CDH9: variants seen among roughly 807,000 people sequenced by gnomAD.
CDH9 encodes cadherin 9.
A neutral mutation model predicts 70.9 loss-of-function variants in CDH9; 28 were observed. The ratio of observed to expected loss-of-function variants is 0.40; its 90% CI spans 0.29 to 0.54. The LOEUF (loss-of-function observed/expected upper bound fraction) is 0.54. CDH9 is among the 20% of genes least tolerant of loss of function. The probability of loss-of-function intolerance (pLI) is 0.59; values close to 1 mark genes in which losing one functional copy is unlikely to be tolerated. For missense variants in CDH9, 874 were observed against 984.4 expected (o/e 0.89, Z 1.50); for synonymous variants, 409 against 343.1 (o/e 1.19, Z -2.12).
chr5:27,007,866 T>C (rs540730726), intron 1 of CDH9, among the ~76,000 whole-genome samples: 2 of 152,234 alleles, frequency 1.3e-5, no homozygotes, highest in African/African-American at 4.8e-5. Context: ...ATAGTCATAA[T>C]TGAGGAGGAC....
At chr5:26,885,498 A>G (rs1172473739) in intron 11 of CDH9, 116 bp downstream of exon 11, 17 of 900,630 alleles carry the variant, frequency 1.9e-5, no homozygotes. Context: ...TTTTAATAAA[A>G]AGTGAAAATG....
intron 7 of CDH9, among the ~76,000 whole-genome samples, chr5:26,900,174 T>A (rs1351947436): frequency 6.6e-6 from 1 of 152,044 alleles, no homozygotes; most frequent in Non-Finnish European, 1.5e-5. Context: ...ATTCTGTAAC[T>A]ACTAGAGAAA....
At chr5:26,914,713 A>G (rs1017682345) in intron 3 of CDH9, among the ~76,000 whole-genome samples, 2 of 152,050 alleles carry the variant, frequency 1.3e-5, no homozygotes, top group African/African-American at 4.8e-5. Context: ...TTCTCCTTCT[A>G]TAGAAATTAT....
At chr5:26,978,424 T>A (rs1742340714) in intron 2 of CDH9, among the ~76,000 whole-genome samples, 1 of 151,580 alleles carries the variant, frequency 6.6e-6, no homozygotes, top group African/African-American at 2.4e-5. Context: ...CACAGAAACA[T>A]AAGAAACAAT....
intron 9 of CDH9, among the ~76,000 whole-genome samples, chr5:26,889,459 C>A (rs949807009): frequency 3.9e-5 from 6 of 151,920 alleles, no homozygotes; most frequent in African/African-American, 1.4e-4. Context: ...TTTATAATAA[C>A]ATGAAACAAT....
At chr5:26,981,833 C>T (rs1054637093) in intron 2 of CDH9, among the ~76,000 whole-genome samples, 1 of 151,970 alleles carries the variant, frequency 6.6e-6, no homozygotes, top group Non-Finnish European at 1.5e-5. Context: ...ATTTAGACAA[C>T]TTACCCTTGT....
intron 1 of CDH9, among the ~76,000 whole-genome samples, chr5:26,988,846 A>G (rs1742533824): frequency 6.6e-6 from 1 of 151,728 alleles, no homozygotes; most frequent in African/African-American, 2.4e-5. Flanking sequence ...TCTGCCCCCT[A>G]TCTTCCTCTT....
In CDH9 at chr5:26,902,563, A is replaced by C. The variant is rs774573447; in HGVS notation, c.1166T>G (p.Leu389Trp). ...EPPVFTKVSYLIEVDEDVKEG... is the reference protein window; with the variant it reads ...EPPVFTKVSYWIEVDEDVKEG... ...CTTTACATCTTCATCTACTTCTATCAAGTAAGAGACTTTAGTGAACACAGG... is the reference window on the plus strand; with the variant it reads ...CTTTACATCTTCATCTACTTCTATCCAGTAAGAGACTTTAGTGAACACAGG... The change falls in exon 7 of 12, where the codon TTG becomes TGG. Residue 389 changes from leucine to tryptophan, a missense_variant. By Grantham distance (61) the Leu-to-Trp change is moderately conservative (BLOSUM62 -2). Coordinates refer to ENST00000231021, the MANE Select transcript of CDH9 (RefSeq NM_016279.4). 1.6e-5 allele frequency: 26 copies of C among 1,592,694 alleles called. No individual in the cohort carries two copies. The highest frequency in any genetic ancestry group is 2.2e-5 in the Non-Finnish European group (26 of 1,161,008).
chr5:27,002,237 G>C (rs1271432321), intron 1 of CDH9, among the ~76,000 whole-genome samples: 1 of 152,162 alleles, frequency 6.6e-6, no homozygotes, highest in African/African-American at 2.4e-5. Flanking sequence ...TCTCACACCA[G>C]TTAGAATGGC....
intron 2 of CDH9, among the ~76,000 whole-genome samples, chr5:26,984,744 T>C (rs1050913757): frequency 8.5e-5 from 13 of 152,114 alleles, no homozygotes; most frequent in African/African-American, 3.1e-4. Flanking sequence ...AGATGACAAT[T>C]ATTATGACTT....
intron 7 of CDH9, among the ~76,000 whole-genome samples, chr5:26,898,846 C>T (rs1740799810): frequency 1.3e-5 from 2 of 152,148 alleles, no homozygotes; most frequent in African/African-American, 4.8e-5. Context: ...TAAAGGGCTT[C>T]TGCACAGCAA....
At chr5:27,005,009 A>G (rs761472938) in intron 1 of CDH9, among the ~76,000 whole-genome samples, 1 of 152,154 alleles carries the variant, frequency 6.6e-6, no homozygotes, top group Non-Finnish European at 1.5e-5. Flanking sequence ...GTTTGAGCTT[A>G]TAAAATTTGA....
At chr5:26,935,597 A>G (rs1453986591) in intron 2 of CDH9, among the ~76,000 whole-genome samples, 1 of 152,166 alleles carries the variant, frequency 6.6e-6, no homozygotes. Flanking sequence ...TAAAAAGTCA[A>G]AAAAGAATAG....
chr5:26,892,959 T>A (rs898717659), intron 7 of CDH9, among the ~76,000 whole-genome samples: 2 of 152,024 alleles, frequency 1.3e-5, no homozygotes, highest in Admixed American at 1.3e-4. Flanking sequence ...GGTCTCGATC[T>A]CATGACCTCG....
At chr5:26,941,284 T>C (rs1327684111) in intron 2 of CDH9, among the ~76,000 whole-genome samples, 4 of 152,216 alleles carry the variant, frequency 2.6e-5, no homozygotes, top group African/African-American at 9.6e-5. Flanking sequence ...TCTATAGGCA[T>C]ACATTTGCTA....
intron 2 of CDH9, among the ~76,000 whole-genome samples, chr5:26,931,064 C>T (rs891173742): frequency 1.3e-5 from 2 of 152,134 alleles, no homozygotes; most frequent in Non-Finnish European, 2.9e-5. Context: ...ATTACCTGTA[C>T]TTGAGCTCTC....
At chr5:26,890,830 C>G in intron 7 of CDH9, 1 of 336,030 alleles carries the variant, frequency 3.0e-6, no homozygotes, top group African/African-American at 2.1e-5. Flanking sequence ...AAAGTGAGTT[C>G]TTAAGTATCA....
intron 2 of CDH9, among the ~76,000 whole-genome samples, chr5:26,930,331 A>G (rs1279260231): frequency 6.6e-6 from 1 of 152,112 alleles, no homozygotes; most frequent in East Asian, 1.9e-4. Flanking sequence ...TAATGTATAT[A>G]AAATTGTCCC....
chr5:26,945,904 G>A (rs1165034175), intron 2 of CDH9, among the ~76,000 whole-genome samples: 2 of 152,102 alleles, frequency 1.3e-5, no homozygotes, highest in Non-Finnish European at 2.9e-5. Flanking sequence ...CAGGCTTTAG[G>A]AAGAAAGAAG....
Sources: gnomAD v4.1 joint callset for allele counts (sites outside exome capture counted in the v4.1 genomes callset) on GRCh38, gnomAD v4.1.1 for gene constraint, MANE v1.5 for transcripts, NCBI Gene and HGNC (gene_info 2026-07-23, HGNC 2026-07-21) for gene names.